The following PRKG1 variants were observed in gnomAD, a reference collection of about 807,000 sequenced individuals.
PRKG1 encodes the protein protein kinase cGMP-dependent 1, also known as cGMP-dependent protein kinase 1.
A neutral mutation model predicts 88.1 loss-of-function variants in PRKG1; 35 were observed. The observed-to-expected ratio is 0.40, with a 90% CI of 0.30 to 0.53. PRKG1 has a LOEUF of 0.53. PRKG1 is among the 20% of genes least tolerant of loss of function. The pLI, the probability that PRKG1 is intolerant of heterozygous loss-of-function variation, is 0.59. For missense variants in PRKG1, 540 were observed against 839.8 expected (o/e 0.64, Z 4.41); for synonymous variants, 303 against 292.5 (o/e 1.04, Z -0.37).
chr10:52,268,402 G>T (rs755015769), intron 10 of PRKG1, among the ~76,000 whole-genome samples: 14 of 151,872 alleles, frequency 9.2e-5, no homozygotes, highest in South Asian at 4.1e-4. Context: ...ACCCCACTTG[G>T]CTTCTCCTTG....
intron 9 of PRKG1, among the ~76,000 whole-genome samples, chr10:52,227,002 C>T (rs7909343): frequency 0.13 from 20,182 of 152,034 alleles, 2,416 homozygotes; most frequent in African/African-American, 0.32. Flanking sequence ...CACATGTTAT[C>T]AGTGGAATAA....
At chr10:51,608,219 G>A (rs1838816032) in intron 3 of PRKG1, among the ~76,000 whole-genome samples, 1 of 152,140 alleles carries the variant, frequency 6.6e-6, no homozygotes, top group African/African-American at 2.4e-5. Flanking sequence ...GATGCACATG[G>A]GAAGTCAGTA....
At chr10:51,980,005 T>G (rs1022579102) in intron 5 of PRKG1, among the ~76,000 whole-genome samples, 2 of 152,136 alleles carry the variant, frequency 1.3e-5, no homozygotes, top group African/African-American at 4.8e-5. Flanking sequence ...TTTTGATTAT[T>G]TCTTGTCTTC....
chr10:51,764,185 T>C (rs1226479509), intron 3 of PRKG1, among the ~76,000 whole-genome samples: 1 of 152,194 alleles, frequency 6.6e-6, no homozygotes, highest in Non-Finnish European at 1.5e-5. Flanking sequence ...AGCCCACTCC[T>C]ATATCACATA....
chr10:51,115,465 T>A lies in PRKG1; in HGVS notation c.312-37699T>A, dbSNP rs1005247358. On this transcript the variant is annotated intron_variant, in intron 1 of 17. Transcript: ENST00000373980. ...TCGATAATTGATGAGATTGTTCTTT[T>A]CAGCCAAATTTGGGAGAGGTAGGAT... is the stretch of plus-strand genomic sequence containing the variant. Among the ~76,000 whole-genome samples, 5 of 141,688 alleles carry A rather than the reference T, an allele frequency of 3.5e-5. No homozygotes were observed. In the Admixed American group the frequency reaches 3.7e-4, roughly 10 times the overall value. The allele number at this position is 141,688 out of a possible 152,430, so 93.0% of individuals were successfully genotyped here.
At chr10:51,624,429 G>C (rs1322371751) in intron 3 of PRKG1, among the ~76,000 whole-genome samples, 2 of 152,208 alleles carry the variant, frequency 1.3e-5, no homozygotes, top group African/African-American at 2.4e-5. Context: ...ATAATAAACA[G>C]AAATCTGCCT....
At chr10:51,818,222 T>C (rs1839643289) in intron 4 of PRKG1, among the ~76,000 whole-genome samples, 1 of 152,182 alleles carries the variant, frequency 6.6e-6, no homozygotes, top group Non-Finnish European at 1.5e-5. Context: ...TTGGAGTCTC[T>C]TCTAGAATAT....
At chr10:51,012,746 A>G (rs1420329376) in intron 1 of PRKG1, among the ~76,000 whole-genome samples, 1 of 152,268 alleles carries the variant, frequency 6.6e-6, no homozygotes, top group African/African-American at 2.4e-5. Flanking sequence ...ACAAATAAAA[A>G]GACAAAAAAG....
At chr10:51,170,263 C>T (rs1182606000) in intron 2 of PRKG1, among the ~76,000 whole-genome samples, 3 of 152,022 alleles carry the variant, frequency 2.0e-5, no homozygotes, top group African/African-American at 7.2e-5. Context: ...AAATACATAA[C>T]TTAAAAAGTA....
At chr10:51,741,818 G>C (rs562369316) in intron 3 of PRKG1, among the ~76,000 whole-genome samples, 18 of 152,132 alleles carry the variant, frequency 1.2e-4, no homozygotes, top group Admixed American at 3.9e-4. Context: ...TGCTAACTTT[G>C]TAGCTAATCT....
intron 3 of PRKG1, among the ~76,000 whole-genome samples, chr10:51,527,254 T>G (rs1841905802): frequency 6.6e-6 from 1 of 152,008 alleles, no homozygotes; most frequent in Non-Finnish European, 1.5e-5. Flanking sequence ...GGAGCAAACA[T>G]TCTATATTAT....
At chr10:51,323,480 C>G (rs1266459799) in intron 2 of PRKG1, among the ~76,000 whole-genome samples, 1 of 152,180 alleles carries the variant, frequency 6.6e-6, no homozygotes, top group African/African-American at 2.4e-5. Context: ...CCCTAAACCT[C>G]ATTTTTCCCA....
chr10:51,121,109 C>T (rs1225430278), intron 1 of PRKG1, among the ~76,000 whole-genome samples: 1 of 152,158 alleles, frequency 6.6e-6, no homozygotes, highest in African/African-American at 2.4e-5. Flanking sequence ...TTACTGAGAT[C>T]ATCTCTCCTG....
intron 2 of PRKG1, among the ~76,000 whole-genome samples, chr10:51,212,139 C>G (rs111272442): frequency 1.3e-5 from 2 of 151,962 alleles, no homozygotes. Flanking sequence ...TGGAACAGAA[C>G]AGAGCCCTCA....
chr10:51,784,729 T>A (rs1329006414), intron 3 of PRKG1, among the ~76,000 whole-genome samples: 1 of 152,144 alleles, frequency 6.6e-6, no homozygotes, highest in African/African-American at 2.4e-5. Flanking sequence ...TTGAACTTCC[T>A]TCCCTGGAAA....
intron 5 of PRKG1, among the ~76,000 whole-genome samples, chr10:52,027,215 C>G (rs1405963858): frequency 6.6e-6 from 1 of 152,098 alleles, no homozygotes; most frequent in Non-Finnish European, 1.5e-5. Flanking sequence ...TGTTACCTAA[C>G]CTGGGTGCAA....
chr10:51,486,044 CA>C (rs1840527421), intron 3 of PRKG1, among the ~76,000 whole-genome samples: 1 of 152,166 alleles, frequency 6.6e-6, no homozygotes, highest in Non-Finnish European at 1.5e-5. Flanking sequence ...GGCCCCTCTC[CA>C]AAGTGTTTCC....
At chr10:51,522,709 C>T (rs1841765549) in intron 3 of PRKG1, among the ~76,000 whole-genome samples, 1 of 152,108 alleles carries the variant, frequency 6.6e-6, no homozygotes, top group Non-Finnish European at 1.5e-5. Context: ...GAAATCATTT[C>T]CTTTAGCCTC....
chr10:51,075,205 C>CGT (rs1843918782), intron 1 of PRKG1, among the ~76,000 whole-genome samples: 1 of 152,104 alleles, frequency 6.6e-6, no homozygotes, highest in Non-Finnish European at 1.5e-5. Flanking sequence ...TGTGTCCGAC[C>CGT]GTGTGTGTGA....
Sources: gnomAD v4.1 joint callset for allele counts (sites outside exome capture counted in the v4.1 genomes callset) on GRCh38, gnomAD v4.1.1 for gene constraint, MANE v1.5 for transcripts, NCBI Gene and HGNC (gene_info 2026-07-23, HGNC 2026-07-21) for gene names.